CCDC91: variants seen among roughly 807,000 people sequenced by gnomAD.
The protein encoded by CCDC91 is coiled-coil domain containing 91.
CCDC91 carries 48 observed loss-of-function variants against 63.2 expected under a neutral mutation model. That is an observed-to-expected ratio of 0.76 (90% CI 0.60 to 0.97). CCDC91 has a LOEUF of 0.97. Ranked by LOEUF, CCDC91 falls within the 50% of genes least tolerant of loss-of-function variation. CCDC91 has a pLI of 0.00. For synonymous variants in CCDC91, 167 were observed against 165.8 expected, an observed-to-expected ratio of 1.01 and a Z score of -0.06; for missense variants, 500 against 494.6, an observed-to-expected ratio of 1.01 and a Z score of -0.10.
chr12:28,359,361 CT>C (rs1943727496), intron 6 of CCDC91, among the ~76,000 whole-genome samples: 1 of 152,150 alleles, frequency 6.6e-6, no homozygotes, highest in South Asian at 2.1e-4. Context: ...ATATATTCGT[CT>C]TTAGTTTCAT....
At chr12:28,294,082 A>G (rs930863503) in intron 3 of CCDC91, among the ~76,000 whole-genome samples, 1 of 152,152 alleles carries the variant, frequency 6.6e-6, no homozygotes, top group African/African-American at 2.4e-5. Context: ...CTAGTTTGTG[A>G]AATTTTGTAC....
At chr12:28,357,684 C>A (rs1391803530) in intron 6 of CCDC91, among the ~76,000 whole-genome samples, 2 of 152,066 alleles carry the variant, frequency 1.3e-5, no homozygotes, top group African/African-American at 2.4e-5. Flanking sequence ...CAATACCTGG[C>A]ACACAATCAT....
intron 12 of CCDC91, among the ~76,000 whole-genome samples, chr12:28,533,570 GA>G (rs1446055517): frequency 7.2e-5 from 11 of 151,966 alleles, no homozygotes; most frequent in African/African-American, 2.7e-4. Context: ...GTGACTATTT[GA>G]TAAAAAATAT....
At chr12:28,380,923 T>C (rs570959805) in intron 7 of CCDC91, among the ~76,000 whole-genome samples, 31 of 152,242 alleles carry the variant, frequency 2.0e-4, no homozygotes, top group African/African-American at 6.3e-4. Flanking sequence ...ACAGATTTAT[T>C]TTTATTTATT....
At chr12:28,358,945 G>T (rs1407103307) in intron 6 of CCDC91, among the ~76,000 whole-genome samples, 1 of 152,106 alleles carries the variant, frequency 6.6e-6, no homozygotes, top group African/African-American at 2.4e-5. Flanking sequence ...GCCCAGGCTG[G>T]AGTGCAGTGG....
intron 11 of CCDC91, among the ~76,000 whole-genome samples, chr12:28,470,272 A>G (rs1251531257): frequency 6.6e-6 from 1 of 152,196 alleles, no homozygotes; most frequent in African/African-American, 2.4e-5. Context: ...AAATAGAGAA[A>G]ATATTTGAAA....
intron 7 of CCDC91, among the ~76,000 whole-genome samples, chr12:28,369,007 G>A (rs991738951): frequency 1.3e-5 from 2 of 152,066 alleles, no homozygotes; most frequent in Admixed American, 6.6e-5. Flanking sequence ...ATGAGATTTC[G>A]GTGGGGACAC....
rs557398554 is a variant in CCDC91 at position 28,526,045 on chromosome 12, C to T, written c.1216-23018C>T. 1.3e-4 allele frequency among the ~76,000 whole-genome samples: 19 copies of T among 151,738 alleles called. No homozygotes were observed. The South Asian group carries it at 2.1e-3, about 17-fold the overall frequency. On this transcript the variant is annotated intron_variant, in intron 12 of 12. Transcript: ENST00000536442. The stretch of plus-strand genomic sequence containing the variant: ...TTTAGTTGATGAATTCTTATCTATT[C>T]GGCAATTTTGTATCTTTTAAGTGGA...
intron 12 of CCDC91, among the ~76,000 whole-genome samples, chr12:28,500,262 G>A (rs1335830836): frequency 6.6e-6 from 1 of 151,602 alleles, no homozygotes; most frequent in Non-Finnish European, 1.5e-5. Context: ...CAGATGGATA[G>A]ATTGCAAAAA....
intron 3 of CCDC91, among the ~76,000 whole-genome samples, chr12:28,263,113 G>A (rs1946937394): frequency 6.6e-6 from 1 of 151,894 alleles, no homozygotes; most frequent in Admixed American, 6.6e-5. Context: ...TTTCTTTCAA[G>A]AAAAAGTATG....
chr12:28,320,227 A>T (rs2137394837), intron 6 of CCDC91, among the ~76,000 whole-genome samples: 1 of 152,026 alleles, frequency 6.6e-6, no homozygotes, highest in South Asian at 2.1e-4. Context: ...GTTACTCCAT[A>T]TGCTATTAGG....
rs143653453 is a variant in CCDC91, at chr12:28,545,738, G to A, written c.1216-3325G>A. On this transcript the variant is annotated intron_variant, in intron 12 of 12. Coordinates refer to ENST00000536442, the MANE Select transcript of CCDC91 (RefSeq NM_018318.5). ...GACATCTAACACAAGCAAGAGAAGC[G>A]TGTGGTGTGTTTAAACAGAAATCTA... 4.6e-5 allele frequency among the ~76,000 whole-genome samples: 7 copies of A among 152,162 alleles called. No individual in the cohort carries two copies. The East Asian group carries it at 7.7e-4, about 17-fold the overall frequency.
At chr12:28,512,817 G>C (rs1361027043) in intron 12 of CCDC91, among the ~76,000 whole-genome samples, 1 of 151,830 alleles carries the variant, frequency 6.6e-6, no homozygotes, top group African/African-American at 2.4e-5. Flanking sequence ...TGTATGGTAC[G>C]GAAGGGATTC....
intron 12 of CCDC91, among the ~76,000 whole-genome samples, chr12:28,545,128 T>C (rs926761713): frequency 1.3e-5 from 2 of 151,952 alleles, no homozygotes; most frequent in Non-Finnish European, 2.9e-5. Flanking sequence ...ATGAAGAGAT[T>C]TTTAACCCCA....
intron 3 of CCDC91, among the ~76,000 whole-genome samples, chr12:28,278,249 G>T (rs918525259): frequency 6.6e-6 from 1 of 151,816 alleles, no homozygotes; most frequent in Non-Finnish European, 1.5e-5. Flanking sequence ...GCATACCCCT[G>T]GTTCTTTCCT....
intron 1 of CCDC91, among the ~76,000 whole-genome samples, chr12:28,230,463 TG>T (rs1295704252): frequency 1.3e-5 from 2 of 152,148 alleles, no homozygotes; most frequent in Non-Finnish European, 2.9e-5. Flanking sequence ...GTTTCTGAAA[TG>T]GTGTGGTTGC....
chr12:28,390,887 T>C (rs1945889801), intron 7 of CCDC91, among the ~76,000 whole-genome samples: 1 of 152,038 alleles, frequency 6.6e-6, no homozygotes, highest in Admixed American at 6.6e-5. Flanking sequence ...TGTGGAGTTT[T>C]GTCAGCCAGT....
chr12:28,458,067 T>C (rs528869278), intron 11 of CCDC91, among the ~76,000 whole-genome samples: 1 of 152,246 alleles, frequency 6.6e-6, no homozygotes, highest in South Asian at 2.1e-4. Context: ...TAAATTTTCC[T>C]TAAGAAATTT....
Position 28,371,802 on chromosome 12 carries a change from G to A in CCDC91, c.654+9287G>A, listed in dbSNP as rs115793621. ...GAGGCTTGAACAATCTCAGATTTTC[G>A]TATCCTAAATGGTCCTGGAATCAGT... On this transcript the variant is annotated intron_variant, in intron 7 of 12. Transcript: ENST00000536442. 7.8e-3 allele frequency among the ~76,000 whole-genome samples: 1,192 copies of A among 152,208 alleles called. 20 individuals are homozygous for A. The highest frequency in any genetic ancestry group is 0.028 in the African/African-American group (1,144 of 41,548).
Sources: allele counts gnomAD v4.1 joint callset (sites outside exome capture counted in the v4.1 genomes callset), GRCh38; gene constraint gnomAD v4.1.1; transcripts MANE v1.5; gene names NCBI Gene and HGNC (gene_info 2026-07-23, HGNC 2026-07-21).